DNAAF5: variants seen among roughly 807,000 people sequenced by gnomAD.
DNAAF5 encodes HEAT repeat containing 2.
DNAAF5 carries 64 observed loss-of-function variants against 75.8 expected under a neutral mutation model. The observed-to-expected ratio is 0.84, with a 90% CI of 0.69 to 1.04. DNAAF5 has a LOEUF of 1.04. Among genes scored for constraint, DNAAF5 ranks in the 50% least tolerant of loss-of-function variants. The probability of loss-of-function intolerance (pLI) is 0.00; values close to 1 mark genes in which losing one functional copy is unlikely to be tolerated. For synonymous variants in DNAAF5, 657 were observed against 557.2 expected, an observed-to-expected ratio of 1.18 and a Z score of -2.52; for missense variants, 1,269 against 1,178.5, an observed-to-expected ratio of 1.08 and a Z score of -1.12.
rs774429219 is a variant in DNAAF5 at position 769,945 on chromosome 7, G to GTTTTGT, written c.1784-509_1784-504dup. On this transcript the variant is annotated intron_variant, in intron 8 of 12. Transcript: ENST00000297440. Reference sequence around the variant, plus strand: ...TATAGGCGTGAGCCACCACGTCCAGGTTTTGTTTTTGTTTTTGTTTTTTTG... The same window carrying GTTTTGT: ...TATAGGCGTGAGCCACCACGTCCAGGTTTTGTTTTTGTTTTTGTTTTTGTTTTTTTG... Among the ~76,000 whole-genome samples, 11 of 151,902 alleles carry GTTTTGT rather than the reference G, an allele frequency of 7.2e-5. No homozygotes were observed. In the South Asian group the frequency reaches 2.1e-3, roughly 29 times the overall value.
intron 12 of DNAAF5, among the ~76,000 whole-genome samples, chr7:784,559 C>G (rs1779089338): frequency 6.6e-6 from 1 of 152,226 alleles, no homozygotes; most frequent in Non-Finnish European, 1.5e-5. Context: ...GCCCCCACCC[C>G]TGCAGCTCCC....
chr7:737,388 A>C (rs992550430), intron 2 of DNAAF5, among the ~76,000 whole-genome samples: 34 of 152,262 alleles, frequency 2.2e-4, no homozygotes, highest in East Asian at 5.8e-4. Context: ...GAGCCACTGC[A>C]CCCAACCAGT....
chr7:728,576 C>G (rs1241001709), intron 1 of DNAAF5, among the ~76,000 whole-genome samples: 2 of 152,212 alleles, frequency 1.3e-5, no homozygotes, highest in African/African-American at 4.8e-5. Context: ...GCTGGATGGA[C>G]ATGGCCATTG....
At chr7:762,501 A>AG (rs1782692648) in intron 7 of DNAAF5, among the ~76,000 whole-genome samples, 1 of 151,904 alleles carries the variant, frequency 6.6e-6, no homozygotes, top group Non-Finnish European at 1.5e-5. Flanking sequence ...AAAAAAAAAA[A>AG]AAAGTGCATG....
At chr7:757,839 G>T (rs77434383) in intron 6 of DNAAF5, among the ~76,000 whole-genome samples, 1 of 152,338 alleles carries the variant, frequency 6.6e-6, no homozygotes, top group African/African-American at 2.4e-5. Context: ...CACTTGCTCC[G>T]GCTCGATCGT....
chr7:784,138 T>A (rs114369015), intron 12 of DNAAF5, among the ~76,000 whole-genome samples: 2,035 of 151,606 alleles, frequency 0.013, 50 homozygotes, highest in African/African-American at 0.043. Context: ...GCCGTCCACC[T>A]GCCTGCACCT....
chr7:739,395 G>A (rs1169218267), intron 2 of DNAAF5, among the ~76,000 whole-genome samples: 1 of 152,194 alleles, frequency 6.6e-6, no homozygotes, highest in African/African-American at 2.4e-5. Context: ...CGCCATGGGT[G>A]AAGACGACAG....
chr7:778,717 C>T (rs1278423772), intron 11 of DNAAF5: 1 of 152,638 alleles, frequency 6.6e-6, no homozygotes, highest in Admixed American at 6.5e-5. Context: ...GTCCTTCCTC[C>T]TGAGACACGT....
intron 11 of DNAAF5, among the ~76,000 whole-genome samples, chr7:775,622 A>G (rs1044421239): frequency 4.6e-5 from 7 of 152,190 alleles, no homozygotes; most frequent in African/African-American, 1.4e-4. Context: ...ATATGTATGT[A>G]TTGGGGGGCA....
chr7:777,959 G>A (rs143372560), intron 11 of DNAAF5, among the ~76,000 whole-genome samples: 3 of 152,292 alleles, frequency 2.0e-5, no homozygotes, highest in African/African-American at 7.2e-5. Context: ...TGAATCCCAG[G>A]AGAAGAGAAT....
intron 9 of DNAAF5, chr7:771,220 G>C (rs1050239011): frequency 6.6e-6 from 1 of 152,284 alleles, no homozygotes; most frequent in Non-Finnish European, 1.5e-5. Flanking sequence ...TTAAGACCCC[G>C]AGGGTCTAGG....
At chr7:744,006 G>A (rs1442071316) in intron 4 of DNAAF5, among the ~76,000 whole-genome samples, 2 of 151,334 alleles carry the variant, frequency 1.3e-5, no homozygotes, top group African/African-American at 4.9e-5. Flanking sequence ...AGTTACATAT[G>A]TATACATGTG....
intron 9 of DNAAF5, 83 bp from the exon 10 acceptor site, chr7:773,965 C>G (rs1049521719): frequency 2.0e-6 from 3 of 1,521,416 alleles, no homozygotes; most frequent in South Asian, 2.2e-5. Context: ...GCTCCCCCCT[C>G]AGCCCCATTC....
At chr7:767,732 G>A (rs1472492696) in intron 8 of DNAAF5, among the ~76,000 whole-genome samples, 2 of 143,256 alleles carry the variant, frequency 1.4e-5, no homozygotes, top group African/African-American at 5.2e-5. Flanking sequence ...GTGCTGCGAG[G>A]CGGAGCTGGC....
Position 756,817 on chromosome 7 carries a change from C to A in DNAAF5, c.1293C>A (p.Val431=). The A allele has an allele frequency of 1.2e-6, 2 of 1,613,994 alleles. No homozygotes were observed. The highest frequency in any genetic ancestry group is 1.1e-5 in the South Asian group (1 of 91,076). Residue 431 remains valine, a synonymous_variant, in exon 6 of 13, where the codon GTC becomes GTA. Coordinates refer to ENST00000297440, the MANE Select transcript of DNAAF5 (RefSeq NM_017802.4). ...CCGCAGAGCTCGTCGGGACGTTTGT[C>A]AGCCCTGAGGTGTTTCTGAAGCTGA... ...TRSAELVGTF[V]SPEVFLKLIL... is the part of the protein sequence containing the mutation.
intron 2 of DNAAF5, among the ~76,000 whole-genome samples, chr7:733,825 C>A (rs1482852937): frequency 2.0e-5 from 3 of 152,164 alleles, no homozygotes; most frequent in African/African-American, 7.2e-5. Context: ...TCTTTCACTT[C>A]TTTGGTTAAG....
intron 2 of DNAAF5, among the ~76,000 whole-genome samples, chr7:733,893 ATTTC>A (rs1781657644): frequency 6.6e-6 from 1 of 152,022 alleles, no homozygotes; most frequent in South Asian, 2.1e-4. Flanking sequence ...TACTTTCTTG[ATTTC>A]TTTTTCAGAT....
rs75920043 is a variant in DNAAF5 at position 757,948 on chromosome 7, C to T, written c.1470+954C>T. 9.3e-3 allele frequency among the ~76,000 whole-genome samples: 1,413 copies of T among 152,356 alleles called. 16 individuals carry two copies. Among genetic ancestry groups the T allele is most frequent in the Middle Eastern group, 0.034 (10 of 294 alleles). On this transcript the variant is annotated intron_variant, in intron 6 of 12. Transcript: ENST00000297440. Reference sequence around the variant, plus strand: ...TCCTGTGTCAGGCTCCCTCTCCGTCCTCAGAACGAGAGGTGGGGCTGTTGA... The same window carrying T: ...TCCTGTGTCAGGCTCCCTCTCCGTCTTCAGAACGAGAGGTGGGGCTGTTGA...
intron 2 of DNAAF5, chr7:732,536 A>T (rs767668163): frequency 8.8e-6 from 4 of 455,980 alleles, no homozygotes; most frequent in African/African-American, 6.0e-5. Context: ...ACCTTCCGGG[A>T]GCAACAGATG....
Sources: allele counts gnomAD v4.1 joint callset (sites outside exome capture counted in the v4.1 genomes callset), GRCh38; gene constraint gnomAD v4.1.1; transcripts MANE v1.5; gene names NCBI Gene and HGNC (gene_info 2026-07-23, HGNC 2026-07-21).